Variants in NYAP2 observed in about 807,000 individuals in gnomAD.
NYAP2 encodes the protein neuronal tyrosine-phosphorylated phosphoinositide-3-kinase adapter 2.
In NYAP2, 23 loss-of-function variants were observed where a neutral mutation model predicts 50.4. That is an observed-to-expected ratio of 0.46 (90% CI 0.33 to 0.65). NYAP2 has a LOEUF of 0.65. NYAP2 is among the 30% of genes least tolerant of loss of function. The probability of loss-of-function intolerance (pLI) is 0.02; values close to 1 mark genes in which losing one functional copy is unlikely to be tolerated. For missense variants in NYAP2, 885 were observed against 861.0 expected (o/e 1.03, Z -0.35); for synonymous variants, 394 against 365.2 (o/e 1.08, Z -0.90).
chr2:225,539,376 G>T (rs897231633), intron 4 of NYAP2, among the ~76,000 whole-genome samples: 2 of 152,098 alleles, frequency 1.3e-5, no homozygotes, highest in African/African-American at 4.8e-5. Context: ...TGGGATTGCT[G>T]GGTCAAATGG....
intron 3 of NYAP2, among the ~76,000 whole-genome samples, chr2:225,422,746 ACT>A (rs1199970677): frequency 6.6e-6 from 1 of 152,132 alleles, no homozygotes; most frequent in Non-Finnish European, 1.5e-5. Context: ...TCAGGTGGAA[ACT>A]CTCAGGCACG....
the NYAP2 span, chr2:225,701,518 A>G: frequency 6.6e-6 from 1 of 151,808 alleles, no homozygotes; most frequent in East Asian, 1.9e-4. Context: ...TGAAAAGAAA[A>G]TATAAAAATC....
chr2:225,662,623 T>C, the NYAP2 span, among the ~76,000 whole-genome samples: 1,088 of 152,370 alleles, frequency 7.1e-3, 18 homozygotes, highest in African/African-American at 0.025. Flanking sequence ...TAATCCCTAG[T>C]TGTCAGCTAT....
At chr2:225,529,230 A>G (rs944781613) in intron 4 of NYAP2, among the ~76,000 whole-genome samples, 2 of 152,152 alleles carry the variant, frequency 1.3e-5, no homozygotes, top group African/African-American at 4.8e-5. Flanking sequence ...AGACTTCAAC[A>G]TGGCCCCTAA....
intron 3 of NYAP2, among the ~76,000 whole-genome samples, chr2:225,434,655 C>T (rs1334474525): frequency 6.6e-6 from 1 of 152,170 alleles, no homozygotes; most frequent in African/African-American, 2.4e-5. Flanking sequence ...TGTGAACTTT[C>T]TCCTCTGAAG....
chr2:225,459,517 C>T (rs1483180235), intron 3 of NYAP2, among the ~76,000 whole-genome samples: 1 of 152,134 alleles, frequency 6.6e-6, no homozygotes, highest in Non-Finnish European at 1.5e-5. Flanking sequence ...CATATAATTA[C>T]TTCAACATAC....
chr2:225,689,428 T>C, the NYAP2 span, among the ~76,000 whole-genome samples: 2 of 152,178 alleles, frequency 1.3e-5, no homozygotes, highest in Non-Finnish European at 2.9e-5. Flanking sequence ...CATGTGATGT[T>C]TGTTATTATG....
intron 4 of NYAP2, among the ~76,000 whole-genome samples, chr2:225,565,469 A>G (rs954957975): frequency 1.3e-5 from 2 of 152,214 alleles, no homozygotes; most frequent in Non-Finnish European, 2.9e-5. Context: ...TAGAATCTGT[A>G]TTTATTGGCA....
At chr2:225,500,130 C>T (rs1180153565) in intron 3 of NYAP2, among the ~76,000 whole-genome samples, 1 of 152,088 alleles carries the variant, frequency 6.6e-6, no homozygotes, top group East Asian at 1.9e-4. Flanking sequence ...GAGAAAGACC[C>T]AGGGACCTCT....
At chr2:225,548,596 T>C (rs1177140853) in intron 4 of NYAP2, among the ~76,000 whole-genome samples, 5 of 151,636 alleles carry the variant, frequency 3.3e-5, no homozygotes, top group African/African-American at 1.2e-4. Context: ...CAGACAGAAG[T>C]AAATGAAAGT....
intron 4 of NYAP2, among the ~76,000 whole-genome samples, chr2:225,527,214 C>T (rs1197694672): frequency 6.6e-6 from 1 of 152,188 alleles, no homozygotes; most frequent in Non-Finnish European, 1.5e-5. Flanking sequence ...GTTGTTGGCA[C>T]AGATGGAGCC....
At chr2:225,506,188 G>A (rs1161620151) in intron 3 of NYAP2, among the ~76,000 whole-genome samples, 1 of 152,082 alleles carries the variant, frequency 6.6e-6, no homozygotes, top group East Asian at 1.9e-4. Context: ...CTCCAAAGTG[G>A]ACTTACTTCC....
At chr2:225,617,353 C>T (rs952827655) in intron 5 of NYAP2, among the ~76,000 whole-genome samples, 4 of 151,846 alleles carry the variant, frequency 2.6e-5, no homozygotes, top group South Asian at 4.2e-4. Flanking sequence ...TGCTTGAACC[C>T]GGGAGATGGA....
the NYAP2 span, among the ~76,000 whole-genome samples, chr2:225,675,976 A>G: frequency 6.6e-6 from 1 of 151,696 alleles, no homozygotes; most frequent in Non-Finnish European, 1.5e-5. Context: ...TCCTTTGCTT[A>G]TTTTTCACTG....
intron 4 of NYAP2, among the ~76,000 whole-genome samples, chr2:225,558,385 C>T (rs1029413084): frequency 6.6e-6 from 1 of 152,102 alleles, no homozygotes; most frequent in Non-Finnish European, 1.5e-5. Flanking sequence ...TCCATTTTTC[C>T]AGCTTCTTTA....
Position 225,550,600 on chromosome 2 carries a change from G to C in NYAP2, c.524-31341G>C, listed in dbSNP as rs141201544. 4.2e-4 allele frequency among the ~76,000 whole-genome samples: 64 copies of C among 152,278 alleles called. No individual in the cohort carries two copies. The East Asian group carries it at 0.012, about 28-fold the overall frequency. On this transcript the variant is annotated intron_variant, in intron 4 of 6. Coordinates refer to ENST00000636099, the Ensembl canonical transcript of NYAP2. The stretch of plus-strand genomic sequence containing the variant: ...GAAGTAGGGAAATGGGTGGCAGCTG[G>C]AAGGAGATGAGGGATCAGGGTAATG...
At chr2:225,643,943 C>A (rs1410199211) in intron 6 of NYAP2, among the ~76,000 whole-genome samples, 4 of 110,226 alleles carry the variant, frequency 3.6e-5, no homozygotes, top group Non-Finnish European at 7.8e-5. Context: ...ATTTATAGTC[C>A]TTTGGGTATA....
intron 5 of NYAP2, among the ~76,000 whole-genome samples, chr2:225,615,758 C>A (rs1015412729): frequency 2.0e-5 from 3 of 152,138 alleles, no homozygotes; most frequent in Admixed American, 6.5e-5. Flanking sequence ...TTAGAGCCAG[C>A]CAGACAGAGA....
intron 3 of NYAP2, among the ~76,000 whole-genome samples, chr2:225,439,944 C>A (rs1568188): frequency 0.69 from 104,529 of 152,032 alleles, 36,778 homozygotes; most frequent in Non-Finnish European, 0.76. Context: ...GGAGGCACCT[C>A]TTCACAGGGT....
Sources: allele counts gnomAD v4.1 joint callset (sites outside exome capture counted in the v4.1 genomes callset), GRCh38; gene constraint gnomAD v4.1.1; transcripts MANE v1.5; gene names NCBI Gene and HGNC (gene_info 2026-07-23, HGNC 2026-07-21).